The following CHST10 variants were observed in gnomAD, a reference collection of about 807,000 sequenced individuals.
The protein encoded by CHST10 is carbohydrate sulfotransferase 10.
Under a neutral mutation model 34.7 loss-of-function variants are expected in CHST10, and 24 were observed. The ratio of observed to expected loss-of-function variants is 0.69; its 90% CI spans 0.50 to 0.97. The LOEUF is 0.97. CHST10 is among the 50% of genes least tolerant of loss of function. The probability of loss-of-function intolerance (pLI) is 0.00; values close to 1 mark genes in which losing one functional copy is unlikely to be tolerated. For synonymous variants in CHST10, 161 were observed against 169.3 expected, an observed-to-expected ratio of 0.95 and a Z score of 0.38; for missense variants, 402 against 452.1, an observed-to-expected ratio of 0.89 and a Z score of 1.00.
intron 4 of CHST10, among the ~76,000 whole-genome samples, chr2:100,399,139 T>C (rs1811415): frequency 0.39 from 58,995 of 150,430 alleles, 13,508 homozygotes; most frequent in East Asian, 0.71. Context: ...AGTCTCGTTC[T>C]GTGGCCCAGG....
At chr2:100,396,381 C>T (rs1675059771) in intron 5 of CHST10, among the ~76,000 whole-genome samples, 2 of 152,168 alleles carry the variant, frequency 1.3e-5, no homozygotes, top group South Asian at 4.1e-4. Context: ...ACTCTTTTCT[C>T]AATACAGACA....
intron 4 of CHST10, among the ~76,000 whole-genome samples, chr2:100,402,222 C>A (rs1280166482): frequency 6.6e-6 from 1 of 152,162 alleles, no homozygotes; most frequent in Non-Finnish European, 1.5e-5. Flanking sequence ...AACCCCATGA[C>A]TGGGTGAGAT....
chr2:100,393,140 C>G lies in CHST10; in HGVS notation c.*105G>C. 1 of 1,290,044 alleles carries G rather than the reference C, an allele frequency of 7.8e-7. No individual in the cohort carries two copies. The highest frequency in any genetic ancestry group is 1.4e-5 in the South Asian group (1 of 71,892). 79.9% of individuals were successfully genotyped at this position (1,290,044 alleles called of 1,614,324 possible). A position where few individuals can be genotyped will look rare whatever the true frequency, so the allele number is the denominator to read the frequency against. On this transcript the variant is annotated 3_prime_UTR_variant, in exon 7 of 7. Transcript: ENST00000264249. ...CAGGCCTGTGGGAGACCCCGGGCGT[C>G]CTCAAAGGAGGGGTGTGGTGGAGGA... is the stretch of plus-strand genomic sequence containing the variant.
chr2:100,401,433 C>A (rs763878621), intron 4 of CHST10, among the ~76,000 whole-genome samples: 63 of 152,152 alleles, frequency 4.1e-4, no homozygotes, highest in Admixed American at 7.9e-4. Flanking sequence ...CACCCTCCAC[C>A]CGGAGAGGGA....
chr2:100,397,516 C>A (rs1675114896), intron 5 of CHST10, among the ~76,000 whole-genome samples: 1 of 152,158 alleles, frequency 6.6e-6, no homozygotes, highest in South Asian at 2.1e-4. Context: ...GAGAGGGTGA[C>A]CGTGAGGCTT....
At position 100,406,710 on chromosome 2, in the gene CHST10, G is replaced by A. The variant is rs923700441; in HGVS notation, c.-32-3C>T. 1 of 1,608,396 alleles carries A rather than the reference G, an allele frequency of 6.2e-7. No homozygotes were observed. The highest frequency in any genetic ancestry group is 1.3e-5 in the African/African-American group (1 of 74,690). ...CCGCAGCCATTCACTGACTCTTCCT[G>A]GAAAACACAAGCGAGATGCCCCTGC... On this transcript the variant is annotated splice_region_variant and splice_polypyrimidine_tract_variant and intron_variant, in intron 2 of 6. Coordinates refer to ENST00000264249, the MANE Select transcript of CHST10 (RefSeq NM_004854.5).
chr2:100,410,257 T>C (rs552977031), intron 2 of CHST10, among the ~76,000 whole-genome samples: 1 of 152,172 alleles, frequency 6.6e-6, no homozygotes, highest in Non-Finnish European at 1.5e-5. Flanking sequence ...CAGGGCCTGC[T>C]CCCTTTCCCA....
Position 100,393,430 on chromosome 2 carries a change from CT to C in CHST10, c.885del (p.Glu296ArgfsTer60). The part of the protein sequence containing the change: ...TLEDDAPYIL[K>X]EAGIDHLVSY... Reference sequence around the variant, plus strand: ...GACACCAGGTGGTCAATGCCAGCCTCTTTTAAGATGTATGGGGCATCGTCCT... The same window carrying C: ...GACACCAGGTGGTCAATGCCAGCCTCTTTAAGATGTATGGGGCATCGTCCT... On this transcript the variant is annotated frameshift_variant, in exon 7 of 7. Coordinates refer to ENST00000264249, the MANE Select transcript of CHST10 (RefSeq NM_004854.5). LOFTEE classifies it high-confidence loss of function. 1 of 1,614,144 alleles carries C rather than the reference CT, an allele frequency of 6.2e-7. No homozygotes were observed.
intron 1 of CHST10, among the ~76,000 whole-genome samples, chr2:100,415,996 A>G (rs1020406159): frequency 3.3e-5 from 5 of 152,220 alleles, no homozygotes; most frequent in Admixed American, 2.6e-4. Context: ...GTATTTGTGT[A>G]TCTAAAATTA....
chr2:100,394,074 T>C (rs549837784), intron 6 of CHST10, among the ~76,000 whole-genome samples: 1 of 152,336 alleles, frequency 6.6e-6, no homozygotes, highest in South Asian at 2.1e-4. Flanking sequence ...TAATCTACCT[T>C]CTGTTTTACT....
At chr2:100,412,225 C>A (rs1675873621) in intron 2 of CHST10, among the ~76,000 whole-genome samples, 1 of 152,214 alleles carries the variant, frequency 6.6e-6, no homozygotes, top group Admixed American at 6.5e-5. Context: ...GCACAAGCAA[C>A]CCCGGTTGGG....
At chr2:100,403,331 A>G (rs1218281732) in intron 3 of CHST10, among the ~76,000 whole-genome samples, 1 of 152,180 alleles carries the variant, frequency 6.6e-6, no homozygotes, top group East Asian at 1.9e-4. Flanking sequence ...GAGTCTTGCC[A>G]TATGATTCCA....
In CHST10 at chr2:100,398,136, C is replaced by T; in HGVS notation, c.199G>A (p.Gly67Arg). ...AGCTGGCTGTCTGGAAGCTCCTTCC[C>T]AGTTGGCTGCAGGTGACACAGAGCA... ...KHIPEELKPT[G>R]KELPDSQLVQ... The change falls in exon 5 of 7, where the codon GGG becomes AGG. Residue 67 changes from glycine (G) to arginine (R), a missense_variant. By Grantham distance (125) the Gly-to-Arg change is moderately radical. Coordinates refer to ENST00000264249, the MANE Select transcript of CHST10 (RefSeq NM_004854.5). 1.2e-6 allele frequency: 2 copies of T among 1,610,104 alleles called. No individual in the cohort carries two copies. The highest frequency in any genetic ancestry group is 1.1e-5 in the South Asian group (1 of 90,258).
chr2:100,397,781 T>G (rs1675129177), intron 5 of CHST10, 127 bp downstream of exon 5: 2 of 703,482 alleles, frequency 2.8e-6, no homozygotes, highest in Non-Finnish European at 4.8e-6. Flanking sequence ...CAGGCCTGTC[T>G]GGACGGCCAC....
At chr2:100,414,096 T>A (rs1003349110) in intron 2 of CHST10, among the ~76,000 whole-genome samples, 9 of 152,058 alleles carry the variant, frequency 5.9e-5, no homozygotes, top group Non-Finnish European at 1.3e-4. Context: ...AACAAGGGCA[T>A]GGGCAGGATG....
Position 100,395,579 on chromosome 2 carries a change from C to T in CHST10, c.463G>A (p.Val155Met), listed in dbSNP as rs200714829. 3.2e-5 allele frequency: 52 copies of T among 1,613,916 alleles called. No homozygotes were observed. Among genetic ancestry groups the T allele is most frequent in the African/African-American group, 4.0e-5 (3 of 74,916 alleles). The change falls in exon 6 of 7, where the codon GTG becomes ATG. Residue 155 changes from valine to methionine, a missense_variant. By Grantham distance (21) the Val-to-Met change is conservative (BLOSUM62 1). Transcript: ENST00000264249. ...CCGTTCTTCTCGTGGTCGTGCACCA[C>T]GTTTTCGGGGATCTCCTCAATGGAA... ...FSSIEEIPEN[V>M]VHDHEKNGLP...
chr2:100,400,823 C>T (rs1675305803), intron 4 of CHST10, among the ~76,000 whole-genome samples: 1 of 152,154 alleles, frequency 6.6e-6, no homozygotes, highest in African/African-American at 2.4e-5. Flanking sequence ...GGATTACAGG[C>T]ACATGCCACC....
chr2:100,397,309 T>G (rs1675106872), intron 5 of CHST10, among the ~76,000 whole-genome samples: 1 of 152,258 alleles, frequency 6.6e-6, no homozygotes, highest in Non-Finnish European at 1.5e-5. Context: ...TGTGATGATC[T>G]AATTTGTTCC....
chr2:100,413,049 C>A (rs889617868), intron 2 of CHST10, among the ~76,000 whole-genome samples: 1 of 152,202 alleles, frequency 6.6e-6, no homozygotes, highest in South Asian at 2.1e-4. Context: ...GGTTTGCCTC[C>A]TATCTGAGGA....
Sources: allele counts gnomAD v4.1 joint callset (sites outside exome capture counted in the v4.1 genomes callset), GRCh38; gene constraint gnomAD v4.1.1; transcripts MANE v1.5; gene names NCBI Gene and HGNC (gene_info 2026-07-23, HGNC 2026-07-21).